Variants in LRRC40 observed in about 807,000 individuals in gnomAD.
LRRC40 encodes leucine-rich repeat-containing protein 40.
LRRC40 carries 76 observed loss-of-function variants against 72.8 expected under a neutral mutation model. The ratio of observed to expected loss-of-function variants is 1.04; its 90% CI spans 0.87 to 1.26. The LOEUF (loss-of-function observed/expected upper bound fraction) is 1.26. Ranked by LOEUF, LRRC40 falls within the 50% of genes most tolerant of loss-of-function variation. The pLI, the probability that LRRC40 is intolerant of heterozygous loss-of-function variation, is 0.00. For synonymous variants in LRRC40, 243 were observed against 254.2 expected, an observed-to-expected ratio of 0.96 and a Z score of 0.42; for missense variants, 684 against 698.9, an observed-to-expected ratio of 0.98 and a Z score of 0.24.
intron 1 of LRRC40, 80 bp from the exon 2 acceptor site, chr1:70,189,353 C>T: frequency 8.8e-7 from 1 of 1,135,974 alleles, no homozygotes; most frequent in South Asian, 1.8e-5. Context: ...AAGTGACATG[C>T]TTTTATAATA....
At chr1:70,165,055 C>G (rs1667852152) in intron 9 of LRRC40, among the ~76,000 whole-genome samples, 1 of 152,154 alleles carries the variant, frequency 6.6e-6, no homozygotes, top group Non-Finnish European at 1.5e-5. Flanking sequence ...GTATTATCTG[C>G]ATTCTACAGA....
At chr1:70,179,767 T>G (rs55782523) in intron 5 of LRRC40, among the ~76,000 whole-genome samples, 12,174 of 152,212 alleles carry the variant, frequency 0.08, 542 homozygotes, top group South Asian at 0.19. Context: ...TATTTTACAT[T>G]TAGCTGCTCT....
At chr1:70,146,461 C>T (rs1667297680) in intron 14 of LRRC40, among the ~76,000 whole-genome samples, 6 of 152,164 alleles carry the variant, frequency 3.9e-5, no homozygotes. Context: ...CTTAACAATC[C>T]TATTTTCTCA....
Position 70,184,798 on chromosome 1 carries a change from T to C in LRRC40, c.524A>G (p.Asn175Ser), listed in dbSNP as rs200469512. The change falls in exon 4 of 15, where the codon AAT becomes AGT. Residue 175 changes from asparagine (N) to serine (S), a missense_variant. By Grantham distance (46) the Asn-to-Ser change is conservative (BLOSUM62 1). Coordinates refer to ENST00000370952, the MANE Select transcript of LRRC40 (RefSeq NM_017768.5). ...CISEGFEQLS[N>S]LEDLDLSNNH... ...ATCAGAACTTACTAAATCTTCTAAA[T>C]TGGAAAGTTGTTCAAATCCCTCTGA... 193 of 1,602,674 alleles carry C rather than the reference T, an allele frequency of 1.2e-4. No individual in the cohort carries two copies. The highest frequency in any genetic ancestry group is 6.8e-6 in the Non-Finnish European group (8 of 1,176,880).
chr1:70,176,396 G>A (rs1668104627), intron 6 of LRRC40, among the ~76,000 whole-genome samples: 1 of 151,850 alleles, frequency 6.6e-6, no homozygotes, highest in Non-Finnish European at 1.5e-5. Context: ...GCCAGGCGTG[G>A]TGGAGCGTGC....
chr1:70,188,016 T>A (rs987802247), intron 2 of LRRC40, among the ~76,000 whole-genome samples: 1 of 152,180 alleles, frequency 6.6e-6, no homozygotes, highest in African/African-American at 2.4e-5. Flanking sequence ...AGCTCTCTGA[T>A]GATATGATTT....
Position 70,185,032 on chromosome 1 carries a change from C to T in LRRC40, c.408-118G>A, listed in dbSNP as rs753665890. On this transcript the variant is annotated intron_variant, in intron 3 of 14. Transcript: ENST00000370952. ...CATAAAAATCAAATATAGTTACTAA[C>T]TTTAAGTACTTATCAAAATTCATAT... 5.2e-4 allele frequency: 382 copies of T among 736,740 alleles called. 1 individual carries two copies. The highest frequency in any genetic ancestry group is 7.6e-4 in the Non-Finnish European group (365 of 479,250). 45.6% of individuals were successfully genotyped at this position (736,740 alleles called of 1,614,324 possible).
chr1:70,150,231 T>G (rs1667440972), intron 13 of LRRC40, among the ~76,000 whole-genome samples: 1 of 152,152 alleles, frequency 6.6e-6, no homozygotes, highest in African/African-American at 2.4e-5. Context: ...TTATTCATAT[T>G]TTAATTAAAT....
intron 9 of LRRC40, among the ~76,000 whole-genome samples, chr1:70,161,664 A>G (rs1282887797): frequency 6.6e-6 from 1 of 152,144 alleles, no homozygotes; most frequent in Non-Finnish European, 1.5e-5. Context: ...AAGTCTTCAG[A>G]GCTTCAACTT....
chr1:70,180,808 T>C (rs1668227162), intron 5 of LRRC40, among the ~76,000 whole-genome samples: 1 of 152,142 alleles, frequency 6.6e-6, no homozygotes, highest in Non-Finnish European at 1.5e-5. Context: ...GTTGAATGAA[T>C]GAATGAAAGA....
chr1:70,159,396 A>C lies in LRRC40; in HGVS notation c.1154T>G (p.Met385Arg). Residue 385 changes from methionine (M) to arginine (R), a missense_variant, in exon 10 of 15, where the codon ATG (methionine) becomes AGG (arginine). Coordinates refer to ENST00000370952, the MANE Select transcript of LRRC40 (RefSeq NM_017768.5). ...GACTCTGGATTCACTTGGTAGTGTC[A>C]TGGCAGTCTCAGTAGCAGACTCACT... ...SQSESATETA[M>R]TLPSESRVNI... is the part of the protein sequence containing the mutation. The C allele has an allele frequency of 6.3e-7, 1 of 1,599,646 alleles. No homozygotes were observed. The highest frequency in any genetic ancestry group is 8.5e-7 in the Non-Finnish European group (1 of 1,170,448).
rs1375403934 is a variant in LRRC40 at position 70,161,653 on chromosome 1, G to A, written c.1112-2215C>T. Among the ~76,000 whole-genome samples, 6 of 151,982 alleles carry A rather than the reference G, an allele frequency of 3.9e-5. No individual in the cohort carries two copies. In the East Asian group the frequency reaches 9.7e-4, roughly 25 times the overall value. On this transcript the variant is annotated intron_variant, in intron 9 of 14. Coordinates refer to ENST00000370952, the MANE Select transcript of LRRC40 (RefSeq NM_017768.5). ...TAGTTGAACGAGTGTCACCTAGAAC[G>A]AAGTCTTCAGAGCTTCAACTTATCC...
At chr1:70,200,386 G>C (rs988107922) in intron 1 of LRRC40, among the ~76,000 whole-genome samples, 2 of 152,000 alleles carry the variant, frequency 1.3e-5, no homozygotes, top group African/African-American at 2.4e-5. Flanking sequence ...GATCACTGGA[G>C]CCCAGGGGTT....
chr1:70,147,173 T>G (rs1336618034), intron 14 of LRRC40: 11 of 152,256 alleles, frequency 7.2e-5, no homozygotes, highest in African/African-American at 2.4e-4. Context: ...AAAATTGGAG[T>G]CACCCCACGG....
intron 9 of LRRC40, among the ~76,000 whole-genome samples, chr1:70,160,783 T>C (rs548571952): frequency 3.3e-5 from 5 of 152,290 alleles, no homozygotes; most frequent in Admixed American, 1.3e-4. Context: ...CCTTTCATTA[T>C]ATATCTTTGC....
At chr1:70,161,438 G>A (rs1398366818) in intron 9 of LRRC40, among the ~76,000 whole-genome samples, 2 of 151,182 alleles carry the variant, frequency 1.3e-5, no homozygotes, top group East Asian at 4.0e-4. Flanking sequence ...TGTAGTCCCA[G>A]CTACTAGGGA....
In LRRC40 at chr1:70,173,522, G is replaced by A; in HGVS notation, c.1066-12C>T. The stretch of plus-strand genomic sequence containing the variant: ...TCTTGTGTTCCTTTCTAGAAGGGTG[G>A]AGACAAAGACATTCACCAAGACATG... On this transcript the variant is annotated splice_polypyrimidine_tract_variant and intron_variant, in intron 8 of 14. Coordinates refer to ENST00000370952, the MANE Select transcript of LRRC40 (RefSeq NM_017768.5). 2 of 1,601,544 alleles carry A rather than the reference G, an allele frequency of 1.2e-6. No homozygotes were observed. The highest frequency in any genetic ancestry group is 1.1e-5 in the South Asian group (1 of 90,516).
At chr1:70,163,592 T>A (rs1341222618) in intron 9 of LRRC40, among the ~76,000 whole-genome samples, 1 of 152,204 alleles carries the variant, frequency 6.6e-6, no homozygotes, top group African/African-American at 2.4e-5. Flanking sequence ...ACACAATTCA[T>A]AATAATATCC....
chr1:70,165,969 G>C (rs575505114), intron 9 of LRRC40, among the ~76,000 whole-genome samples: 1 of 152,088 alleles, frequency 6.6e-6, no homozygotes, highest in Non-Finnish European at 1.5e-5. Context: ...GCTTTGATAA[G>C]GAAAAAGTCT....
Sources: allele counts gnomAD v4.1 joint callset (sites outside exome capture counted in the v4.1 genomes callset), GRCh38; gene constraint gnomAD v4.1.1; transcripts MANE v1.5; gene names NCBI Gene and HGNC (gene_info 2026-07-23, HGNC 2026-07-21).